RYR2: variants seen among roughly 807,000 people sequenced by gnomAD.
RYR2 encodes the protein ryanodine receptor 2.
In RYR2, 227 loss-of-function variants were observed where a neutral mutation model predicts 601.1. That is an observed-to-expected ratio of 0.38 (90% CI 0.34 to 0.42). RYR2 has a LOEUF of 0.42. Ranked by LOEUF, RYR2 falls within the 10% of genes least tolerant of loss-of-function variation. The pLI is 1.00. For missense variants in RYR2, 4,646 were observed against 6,156.5 expected, an observed-to-expected ratio of 0.75 and a Z score of 8.21; for synonymous variants, 2,223 against 2,175.1, an observed-to-expected ratio of 1.02 and a Z score of -0.61.
intron 34 of RYR2, among the ~76,000 whole-genome samples, chr1:237,598,244 A>G (rs1349905585): frequency 6.6e-6 from 1 of 152,222 alleles, no homozygotes; most frequent in Non-Finnish European, 1.5e-5. Context: ...TTTCAACAAC[A>G]GCAGATAATC....
chr1:237,685,210 A>G (rs1686275358), intron 62 of RYR2, among the ~76,000 whole-genome samples: 2 of 152,174 alleles, frequency 1.3e-5, no homozygotes, highest in South Asian at 4.1e-4. Flanking sequence ...TTTAGAGAAA[A>G]TATAGGCTAA....
intron 1 of RYR2, among the ~76,000 whole-genome samples, chr1:237,151,805 G>A (rs985271471): frequency 6.6e-6 from 1 of 152,154 alleles, no homozygotes; most frequent in African/African-American, 2.4e-5. Context: ...GCAGTGGGGT[G>A]TGGCATGGAC....
rs1035038004 is a variant in RYR2 at position 237,660,050 on chromosome 1, G to T, written c.8274G>T (p.Lys2758Asn). Reference sequence around the variant, plus strand: ...CTTCTAAGGTTCAGCCATTAATGAAGCCATATAAGCTATTGTCTGAAAAGG... The same window carrying T: ...CTTCTAAGGTTCAGCCATTAATGAATCCATATAAGCTATTGTCTGAAAAGG... ...SDSSKVQPLM[K>N]PYKLLSEKEK... The change falls in exon 55 of 105, where the codon AAG becomes AAT. Residue 2758 changes from lysine to asparagine, a missense_variant. Physicochemically the swap from Lys to Asn is moderately conservative, Grantham distance 94. Around this residue, in one of 17 missense-constraint regions of RYR2, gnomAD observed 1,497 missense variants for 1,842.6 expected, o/e 0.81. Coordinates refer to ENST00000366574, the MANE Select transcript of RYR2 (RefSeq NM_001035.3). 8 of 1,575,092 alleles carry T rather than the reference G, an allele frequency of 5.1e-6. No individual in the cohort carries two copies. The highest frequency in any genetic ancestry group is 6.9e-6 in the Non-Finnish European group (8 of 1,162,930).
At position 237,553,280 on chromosome 1, in the gene RYR2, T is replaced by G. The variant is rs148607278; in HGVS notation, c.3214+2589T>G. On this transcript the variant is annotated intron_variant, in intron 27 of 104. Transcript: ENST00000366574. ...AAGCTTAAGATCAAGGTTCATTTGT[T>G]GCACAGATGAATATCCAACTGTCCC... is the stretch of plus-strand genomic sequence containing the variant. 2.9e-3 allele frequency among the ~76,000 whole-genome samples: 441 copies of G among 152,196 alleles called. 1 individual carries two copies. Among genetic ancestry groups the G allele is most frequent in the African/African-American group, 0.01 (418 of 41,578 alleles).
At chr1:237,279,804 G>C (rs573461283) in intron 2 of RYR2, among the ~76,000 whole-genome samples, 1 of 152,304 alleles carries the variant, frequency 6.6e-6, no homozygotes, top group East Asian at 1.9e-4. Context: ...TTATCTCACT[G>C]CTTCAAGCAT....
chr1:237,246,243 A>G (rs1250789387), intron 1 of RYR2, among the ~76,000 whole-genome samples: 1 of 151,562 alleles, frequency 6.6e-6, no homozygotes, highest in Non-Finnish European at 1.5e-5. Flanking sequence ...TTACAGGTGC[A>G]TGCCACCAAG....
At chr1:237,771,284 G>A (rs1694252659) in intron 85 of RYR2, among the ~76,000 whole-genome samples, 1 of 151,836 alleles carries the variant, frequency 6.6e-6, no homozygotes, top group Admixed American at 6.6e-5. Flanking sequence ...GGTGGTGCGT[G>A]CTCATAGTCC....
chr1:237,544,897 A>G (rs1669640168), intron 25 of RYR2, among the ~76,000 whole-genome samples: 1 of 152,202 alleles, frequency 6.6e-6, no homozygotes, highest in Non-Finnish European at 1.5e-5. Flanking sequence ...CATGAATTTC[A>G]TAGATGTTCA....
intron 3 of RYR2, among the ~76,000 whole-genome samples, chr1:237,341,965 A>G (rs2149618516): frequency 6.6e-6 from 1 of 152,230 alleles, no homozygotes; most frequent in South Asian, 2.1e-4. Flanking sequence ...TCGTTGTCCA[A>G]AGTGTCCCAG....
intron 1 of RYR2, among the ~76,000 whole-genome samples, chr1:237,084,022 C>G (rs1275010992): frequency 6.6e-6 from 1 of 152,186 alleles, no homozygotes; most frequent in Non-Finnish European, 1.5e-5. Flanking sequence ...TGACCCACCT[C>G]TGTTCTCCCT....
At chr1:237,642,217 G>T (rs1292423791) in intron 47 of RYR2, among the ~76,000 whole-genome samples, 1 of 152,044 alleles carries the variant, frequency 6.6e-6, no homozygotes, top group East Asian at 1.9e-4. Context: ...GTGTGGTTTA[G>T]GTTTTTCATA....
intron 87 of RYR2, 78 bp downstream of exon 87, chr1:237,773,726 A>G: frequency 1.7e-6 from 2 of 1,164,262 alleles, no homozygotes; most frequent in Non-Finnish European, 2.4e-6. Flanking sequence ...TAGTTTCCAT[A>G]TCTCCTATTG....
At position 237,614,993 on chromosome 1, in the gene RYR2, C is replaced by G. The variant is rs550007135; in HGVS notation, c.5715+150C>G. 4.9e-6 allele frequency: 4 copies of G among 823,030 alleles called. No homozygotes were observed. The Admixed American group carries it at 1.2e-4, about 25-fold the overall frequency. The allele number at this position is 823,030 out of a possible 1,614,324, so 51.0% of individuals were successfully genotyped here. A position where few individuals can be genotyped will look rare whatever the true frequency, so the allele number is the denominator to read the frequency against. ...TCATAAAATTAACTAACTTCCTATT[C>G]TTTTCCCTCTTATTCATTAGCCATC... On this transcript the variant is annotated intron_variant, in intron 37 of 104. Transcript: ENST00000366574. The surrounding 1 kb of genome is among the most constrained non-coding windows in gnomAD (Gnocchi z 4.3).
chr1:237,247,540 A>C (rs989524050), intron 1 of RYR2, among the ~76,000 whole-genome samples: 2 of 152,216 alleles, frequency 1.3e-5, no homozygotes, highest in Admixed American at 6.5e-5. Context: ...CATTATGCTC[A>C]GCTGCTACAA....
intron 27 of RYR2, among the ~76,000 whole-genome samples, chr1:237,557,129 T>A (rs1220405615): frequency 6.6e-6 from 1 of 152,152 alleles, no homozygotes; most frequent in Non-Finnish European, 1.5e-5. Context: ...TCTCTGGCTG[T>A]TGGCAGAAGA....
intron 60 of RYR2, among the ~76,000 whole-genome samples, chr1:237,677,124 A>G (rs1019647416): frequency 3.9e-5 from 6 of 152,156 alleles, no homozygotes; most frequent in Admixed American, 3.3e-4. Flanking sequence ...ATTTTTGTCT[A>G]AAATTTGATA....
intron 1 of RYR2, among the ~76,000 whole-genome samples, chr1:237,153,778 T>G (rs1261935520): frequency 6.6e-6 from 1 of 152,216 alleles, no homozygotes; most frequent in Non-Finnish European, 1.5e-5. Context: ...ATTTTTCATT[T>G]AAGTTACCCC....
intron 90 of RYR2, 134 bp from the exon 91 acceptor site, chr1:237,785,835 G>A (rs1695504070): frequency 1.5e-6 from 1 of 686,418 alleles, no homozygotes; most frequent in African/African-American, 1.8e-5. Flanking sequence ...AAAAACACGT[G>A]GCGCTTTTAT....
intron 16 of RYR2, among the ~76,000 whole-genome samples, chr1:237,467,485 C>G (rs1217032991): frequency 3.9e-5 from 6 of 152,082 alleles, no homozygotes; most frequent in African/African-American, 1.4e-4. Context: ...GTCCCCTGTA[C>G]TCTGCAGTCT....
Sources: gnomAD v4.1 joint callset for allele counts (sites outside exome capture counted in the v4.1 genomes callset) on GRCh38, gnomAD v4.1.1 for gene constraint, gnomAD v4.1.1 regional missense constraint, Gnocchi (gnomAD v3.1) non-coding constraint, MANE v1.5 for transcripts, NCBI Gene and HGNC (gene_info 2026-07-23, HGNC 2026-07-21) for gene names.